SEMA3G: variants seen among roughly 807,000 people sequenced by gnomAD.
The protein encoded by SEMA3G is semaphorin-3G.
In SEMA3G, 70 loss-of-function variants were observed where a neutral mutation model predicts 86.2. That is an observed-to-expected ratio of 0.81 (90% CI 0.67 to 0.99). The LOEUF is 0.99. Among genes scored for constraint, SEMA3G ranks in the 50% least tolerant of loss-of-function variants. The pLI, the probability that SEMA3G is intolerant of heterozygous loss-of-function variation, is 0.00. For synonymous variants in SEMA3G, 416 were observed against 441.4 expected (o/e 0.94, Z 0.72); for missense variants, 1,002 against 1,072.4 (o/e 0.93, Z 0.92).
In SEMA3G at chr3:52,436,014, G is replaced by C. The variant is rs1024897058; in HGVS notation, c.1938C>G (p.Ser646Arg). 2 of 1,613,586 alleles carry C rather than the reference G, an allele frequency of 1.2e-6. No individual in the cohort carries two copies. Among genetic ancestry groups the C allele is most frequent in the Non-Finnish European group, 1.7e-6 (2 of 1,180,018 alleles). ...AGGTGTAGGTGCCCGCATCGAAACG[G>C]CTAAGCCTGCGGAACAGCAGCCCCC... ...TERGLLFRRLSRFDAGTYTCT... is the reference protein window; with the variant it reads ...TERGLLFRRLRRFDAGTYTCT... The change falls in exon 16 of 16, where the codon AGC (serine) becomes AGG (arginine). Residue 646 changes from serine to arginine, a missense_variant. Coordinates refer to ENST00000231721, the MANE Select transcript of SEMA3G (RefSeq NM_020163.3).
In SEMA3G at chr3:52,434,398, C is replaced by T. The variant is rs909625122; in HGVS notation, c.*1205G>A. The T allele has an allele frequency of 6.6e-6, 1 of 152,038 alleles. No homozygotes were observed. Among genetic ancestry groups the T allele is most frequent in the Admixed American group, 6.5e-5 (1 of 15,268 alleles). The allele number at this position is 152,038 out of a possible 1,614,324, so 9.4% of individuals were successfully genotyped here. A position where few individuals can be genotyped will look rare whatever the true frequency, so the allele number is the denominator to read the frequency against. ...GTCCTTTTCTCTACCTTGTTTCCCC[C>T]TTAAAAGAAAAACAGTCTTCCTAAA... On this transcript the variant is annotated 3_prime_UTR_variant, in exon 16 of 16. Coordinates refer to ENST00000231721, the MANE Select transcript of SEMA3G (RefSeq NM_020163.3). The surrounding 1 kb of genome is among the most constrained non-coding windows in gnomAD (Gnocchi z 5.2).
Position 52,439,295 on chromosome 3 carries a change from C to T in SEMA3G, c.1468-334G>A, listed in dbSNP as rs1706102355. ...AACAGGCCCCCAAACACAGATGACCCCCTTCCTGAGTCTCTAGAGGGGCCA... is the reference window on the plus strand; with the variant it reads ...AACAGGCCCCCAAACACAGATGACCTCCTTCCTGAGTCTCTAGAGGGGCCA... On this transcript the variant is annotated intron_variant, in intron 12 of 15. Coordinates refer to ENST00000231721, the MANE Select transcript of SEMA3G (RefSeq NM_020163.3). Among the ~76,000 whole-genome samples, 3 of 152,236 alleles carry T rather than the reference C, an allele frequency of 2.0e-5. No individual in the cohort carries two copies. The South Asian group carries it at 6.2e-4, about 32-fold the overall frequency.
At position 52,434,485 on chromosome 3, in the gene SEMA3G, G is replaced by A. The variant is rs1367358038; in HGVS notation, c.*1118C>T. The A allele has an allele frequency of 2.0e-5, 3 of 152,218 alleles. No individual in the cohort carries two copies. The highest frequency in any genetic ancestry group is 6.5e-5 in the Admixed American group (1 of 15,282). The allele number at this position is 152,218 out of a possible 1,614,324, so 9.4% of individuals were successfully genotyped here. A position where few individuals can be genotyped will look rare whatever the true frequency, so the allele number is the denominator to read the frequency against. On this transcript the variant is annotated 3_prime_UTR_variant, in exon 16 of 16. Transcript: ENST00000231721. This position sits in a 1 kb window ranked among gnomAD's most constrained non-coding sequence, Gnocchi z 5.2. Reference sequence around the variant, plus strand: ...ACACTGGGTCTTCCAGGTGGCTTCTGAGCTAACTGATGCCATCCTGAGTTC... The same window carrying A: ...ACACTGGGTCTTCCAGGTGGCTTCTAAGCTAACTGATGCCATCCTGAGTTC...
intron 15 of SEMA3G, 59 bp downstream of exon 15, chr3:52,437,468 C>T: frequency 1.3e-6 from 2 of 1,531,218 alleles, no homozygotes; most frequent in Non-Finnish European, 1.8e-6. Flanking sequence ...TCTTGGGGTT[C>T]AGGATGGGAG....
chr3:52,440,404 G>T lies in SEMA3G; in HGVS notation c.1116C>A (p.Gly372=). 1 of 1,609,154 alleles carries T rather than the reference G, an allele frequency of 6.2e-7. No homozygotes were observed. The highest frequency in any genetic ancestry group is 2.2e-5 in the East Asian group (1 of 44,790). The change falls in exon 10 of 16, where the codon GGC becomes GGA. Residue 372 remains glycine, a synonymous_variant. Coordinates refer to ENST00000231721, the MANE Select transcript of SEMA3G (RefSeq NM_020163.3). ...CGCCAGGGCGAGGGAAGGGCACCTT[G>T]CCCCCATAGGGCCCCCACTGGTGCT... ...GPQHQWGPYG[G]KVPFPRPGVC...
At position 52,435,671 on chromosome 3, in the gene SEMA3G, C is replaced by T. The variant is rs1706032672; in HGVS notation, c.2281G>A (p.Gly761Ser). The change falls in exon 16 of 16, where the codon GGC becomes AGC. Residue 761 changes from glycine to serine, a missense_variant. Transcript: ENST00000231721. Reference sequence around the variant, plus strand: ...TGCACCCGGCTCTTCATCTTCTTGCCTAGCTCCAGCCCTGCCCAGCTCTTG... The same window carrying T: ...TGCACCCGGCTCTTCATCTTCTTGCTTAGCTCCAGCCCTGCCCAGCTCTTG... Reference protein sequence around the residue: ...RGKSWAGLELGKKMKSRVHAE... With the variant: ...RGKSWAGLELSKKMKSRVHAE... 9 of 1,614,002 alleles carry T rather than the reference C, an allele frequency of 5.6e-6. No homozygotes were observed. Among genetic ancestry groups the T allele is most frequent in the African/African-American group, 1.3e-5 (1 of 74,948 alleles).
chr3:52,443,419 A>T (rs1373888804), intron 1 of SEMA3G, among the ~76,000 whole-genome samples: 4 of 152,150 alleles, frequency 2.6e-5, no homozygotes, highest in African/African-American at 9.7e-5. Flanking sequence ...CAGTCCAGGG[A>T]TGCGGCCAAA....
In SEMA3G at chr3:52,445,037, C is replaced by A; in HGVS notation, c.-10G>T. ...AGGCCGAGGGGGCCATGCTGGGGAA[C>A]TGAGGGCACCGCTGCCGCCTGCCTG... is the stretch of plus-strand genomic sequence containing the variant. On this transcript the variant is annotated 5_prime_UTR_variant, in exon 1 of 16. Transcript: ENST00000231721. 7.9e-7 allele frequency: 1 copy of A among 1,268,072 alleles called. No individual in the cohort carries two copies. Among genetic ancestry groups the A allele is most frequent in the East Asian group, 3.1e-5 (1 of 31,814 alleles). 78.6% of individuals were successfully genotyped at this position (1,268,072 alleles called of 1,614,324 possible).
Position 52,445,031 on chromosome 3 carries a change from G to A in SEMA3G, c.-4C>T. On this transcript the variant is annotated 5_prime_UTR_variant, in exon 1 of 16. Transcript: ENST00000231721. ...TGGCCCAGGCCGAGGGGGCCATGCTGGGGAACTGAGGGCACCGCTGCCGCC... is the reference window on the plus strand; with the variant it reads ...TGGCCCAGGCCGAGGGGGCCATGCTAGGGAACTGAGGGCACCGCTGCCGCC... 1 of 1,269,448 alleles carries A rather than the reference G, an allele frequency of 7.9e-7. No individual in the cohort carries two copies. The highest frequency in any genetic ancestry group is 1.0e-6 in the Non-Finnish European group (1 of 1,001,702). The allele number at this position is 1,269,448 out of a possible 1,614,324, so 78.6% of individuals were successfully genotyped here.
intron 1 of SEMA3G, among the ~76,000 whole-genome samples, chr3:52,444,438 C>CCAAACAGGGCACACGCACA (rs1399243670): frequency 6.6e-6 from 1 of 151,756 alleles, no homozygotes; most frequent in Non-Finnish European, 1.5e-5. Context: ...CCCAAGCCAC[C>CCAAACAGGGCACACGCACA]CAAACAGGGC....
rs1310279596 is a variant in SEMA3G, at chr3:52,435,838, G to A, written c.2114C>T (p.Ala705Val). The change falls in exon 16 of 16, where the codon GCC (alanine) becomes GTC (valine). Residue 705 changes from alanine to valine, a missense_variant. Ala to Val is a moderately conservative substitution (Grantham distance 64). Transcript: ENST00000231721. Reference protein sequence around the residue: ...RGGLASTPPKAWYKDILQLIG... With the variant: ...RGGLASTPPKVWYKDILQLIG... ...GAGCTGCAGGATGTCCTTGTACCAG[G>A]CCTTGGGTGGGGTGGAAGCCAGGCC... 8.7e-6 allele frequency: 14 copies of A among 1,613,992 alleles called. No individual in the cohort carries two copies. Among genetic ancestry groups the A allele is most frequent in the South Asian group, 1.1e-5 (1 of 91,088 alleles).
chr3:52,441,422 C>T lies in SEMA3G; in HGVS notation c.668-13G>A. The T allele has an allele frequency of 6.2e-7, 1 of 1,612,082 alleles. No individual in the cohort carries two copies. Among genetic ancestry groups the T allele is most frequent in the Non-Finnish European group, 8.5e-7 (1 of 1,178,980 alleles). ...ACAAACCGGGGGTCTGGAAGGGTGA[C>T]AGGGTCATGCTGGGTGGAGGGGCCC... On this transcript the variant is annotated splice_polypyrimidine_tract_variant and intron_variant, in intron 6 of 15. Coordinates refer to ENST00000231721, the MANE Select transcript of SEMA3G (RefSeq NM_020163.3).
At chr3:52,444,885 CACAA>C in intron 1 of SEMA3G, 24 bp downstream of exon 1, 1 of 1,299,686 alleles carries the variant, frequency 7.7e-7, no homozygotes. Flanking sequence ...GGCACATGCA[CACAA>C]ACAGGGCACG....
chr3:52,436,590 G>T (rs370374745), intron 15 of SEMA3G, among the ~76,000 whole-genome samples: 11 of 152,186 alleles, frequency 7.2e-5, no homozygotes, highest in African/African-American at 2.7e-4. Context: ...TTCCCATCCT[G>T]GTCTGAACCG....
Position 52,440,458 on chromosome 3 carries a change from G to A in SEMA3G, c.1062C>T (p.Asn354=), listed in dbSNP as rs199844708. 292 of 1,606,292 alleles carry A rather than the reference G, an allele frequency of 1.8e-4. 1 individual carries two copies. The highest frequency in any genetic ancestry group is 1.0e-3 in the South Asian group (92 of 90,070). ...GCCCATCTCGGTGGGCAAAGGGCCC[G>A]TTGAAAACCTCCCAGATGTCTGCCA... ...YHMADIWEVF[N]GPFAHRDGPQ... The change falls in exon 10 of 16, where the codon AAC becomes AAT. Residue 354 remains asparagine, a synonymous_variant. Transcript: ENST00000231721.
intron 15 of SEMA3G, among the ~76,000 whole-genome samples, chr3:52,436,619 C>T (rs1241681860): frequency 6.6e-6 from 1 of 152,240 alleles, no homozygotes; most frequent in Non-Finnish European, 1.5e-5. Flanking sequence ...CCCAACGGTG[C>T]GAGCTGACAG....
chr3:52,438,749 T>G, intron 13 of SEMA3G, 171 bp downstream of exon 13: 1 of 985,496 alleles, frequency 1.0e-6, no homozygotes, highest in Non-Finnish European at 1.2e-6. Flanking sequence ...ACTTACTCGG[T>G]GCCTCCAGTG....
At chr3:52,440,578 C>T in intron 9 of SEMA3G, 57 bp from the exon 10 acceptor site, 14 of 1,562,322 alleles carry the variant, frequency 9.0e-6, no homozygotes, top group Non-Finnish European at 1.1e-5. Flanking sequence ...AAGAAGGGAA[C>T]AGCCTGGTTC....
At position 52,439,900 on chromosome 3, in the gene SEMA3G, C is replaced by G. The variant is rs754654443; in HGVS notation, c.1342G>C (p.Asp448His). 4 of 1,613,764 alleles carry G rather than the reference C, an allele frequency of 2.5e-6. No individual in the cohort carries two copies. Among genetic ancestry groups the G allele is most frequent in the South Asian group, 2.2e-5 (2 of 91,074 alleles). ...AGGAAAATGACATCGTAGGTCCCAT[C>G]CTCTGCCTCCACGCGGTCCACCACG... ...QIVVDRVEAE[D>H]GTYDVIFLGT... The change falls in exon 11 of 16, where the codon GAT becomes CAT. Residue 448 changes from aspartate (D) to histidine (H), a missense_variant. Asp to His is a moderately conservative substitution (Grantham distance 81, BLOSUM62 -1). Coordinates refer to ENST00000231721, the MANE Select transcript of SEMA3G (RefSeq NM_020163.3).
Sources: gnomAD v4.1 joint callset for allele counts (sites outside exome capture counted in the v4.1 genomes callset) on GRCh38, gnomAD v4.1.1 for gene constraint, Gnocchi (gnomAD v3.1) non-coding constraint, MANE v1.5 for transcripts, NCBI Gene and HGNC (gene_info 2026-07-23, HGNC 2026-07-21) for gene names.